Variants in SHPRH observed in about 807,000 individuals in gnomAD.
SHPRH encodes E3 ubiquitin-protein ligase SHPRH.
Under a neutral mutation model 202.5 loss-of-function variants are expected in SHPRH, and 106 were observed. That is an observed-to-expected ratio of 0.52 (90% CI 0.45 to 0.62). The LOEUF is 0.62. SHPRH is among the 20% of genes least tolerant of loss of function. SHPRH has a pLI of 0.00. For synonymous variants in SHPRH, 729 were observed against 686.0 expected, an observed-to-expected ratio of 1.06 and a Z score of -0.98; for missense variants, 1,710 against 2,020.0, an observed-to-expected ratio of 0.85 and a Z score of 2.94.
intron 6 of SHPRH, among the ~76,000 whole-genome samples, chr6:145,947,066 T>C (rs1202766492): frequency 2.0e-5 from 3 of 152,158 alleles, no homozygotes; most frequent in Non-Finnish European, 1.5e-5. Flanking sequence ...ATCTATTTAC[T>C]AAGCTACTTG....
At chr6:145,961,273 G>A (rs746207222) in intron 1 of SHPRH, among the ~76,000 whole-genome samples, 1 of 152,074 alleles carries the variant, frequency 6.6e-6, no homozygotes, top group Admixed American at 6.5e-5. Context: ...TCCTGATGTC[G>A]AGCCAACTAA....
At chr6:145,923,812 T>C (rs780194039) in intron 17 of SHPRH, 27 bp from the exon 18 acceptor site, 38 of 1,598,196 alleles carry the variant, frequency 2.4e-5, no homozygotes, top group Non-Finnish European at 3.1e-5. Context: ...AGTTAATCAA[T>C]TAATACATTT....
intron 2 of SHPRH, among the ~76,000 whole-genome samples, chr6:145,868,157 T>C (rs945115536): frequency 6.6e-6 from 1 of 152,208 alleles, no homozygotes; most frequent in African/African-American, 2.4e-5. Context: ...TTTCCCTCTG[T>C]ACCTGTCTGT....
rs1786814020 is a variant in SHPRH, at chr6:145,941,851, A to G, written c.2262T>C (p.Asp754=). Reference sequence around the variant, plus strand: ...CCAAAAAATGAGGTTGTAAAAAGCCATCTTTCTTCACTCCTTGATATACCT... The same window carrying G: ...CCAAAAAATGAGGTTGTAAAAAGCCGTCTTTCTTCACTCCTTGATATACCT... The part of the protein sequence containing the change: ...RVLVYQGVKK[D]GFLQPHFLAE... Residue 754 remains aspartate, a synonymous_variant, in exon 10 of 30, where the codon GAT becomes GAC. Coordinates refer to ENST00000275233, the MANE Select transcript of SHPRH (RefSeq NM_001042683.3). 1 of 1,613,744 alleles carries G rather than the reference A, an allele frequency of 6.2e-7. No individual in the cohort carries two copies. Among genetic ancestry groups the G allele is most frequent in the Non-Finnish European group, 8.5e-7 (1 of 1,179,906 alleles).
intron 13 of SHPRH, among the ~76,000 whole-genome samples, chr6:145,934,629 C>T (rs1239309740): frequency 6.6e-6 from 1 of 151,638 alleles, no homozygotes; most frequent in Admixed American, 6.6e-5. Context: ...CACACCACTG[C>T]ACTCCAGCCT....
In SHPRH at chr6:145,919,374, C is replaced by T. The variant is rs529144860; in HGVS notation, c.4126G>A (p.Val1376Ile). 1 of 1,613,012 alleles carries T rather than the reference C, an allele frequency of 6.2e-7. No individual in the cohort carries two copies. The highest frequency in any genetic ancestry group is 1.1e-5 in the South Asian group (1 of 91,052). The change falls in exon 22 of 30, where the codon GTT (valine) becomes ATT (isoleucine). Residue 1376 changes from valine (V) to isoleucine (I), a missense_variant. This residue lies in a region of SHPRH where 306 missense variants were observed against 479.5 expected (regional missense o/e 0.64). Coordinates refer to ENST00000275233, the MANE Select transcript of SHPRH (RefSeq NM_001042683.3). ...DPREPKPNPP[V>I]LHIIEPHEVE... is the part of the protein sequence containing the mutation. ...TCATGTGGTTCAATGATATGAAGAA[C>T]AGGCGGATTAGGCTTTGGCTCCCTA...
chr6:145,891,971 T>C (rs1270859321), intron 28 of SHPRH, among the ~76,000 whole-genome samples: 1 of 152,164 alleles, frequency 6.6e-6, no homozygotes, highest in Non-Finnish European at 1.5e-5. Flanking sequence ...CTTGGTGGTA[T>C]GTTAGAACAA....
intron 2 of SHPRH, among the ~76,000 whole-genome samples, chr6:145,874,294 A>C (rs1222658178): frequency 6.6e-6 from 1 of 152,070 alleles, no homozygotes; most frequent in East Asian, 1.9e-4. Context: ...ATTCACATTT[A>C]AAAACCTTGA....
intron 24 of SHPRH, 76 bp downstream of exon 24, chr6:145,913,398 CGAGA>C: frequency 7.5e-7 from 1 of 1,327,052 alleles, no homozygotes; most frequent in Non-Finnish European, 1.1e-6. Context: ...GTGAGAAAAA[CGAGA>C]GAAAGATTTT....
At chr6:145,921,461 T>C in intron 20 of SHPRH, 69 bp from the exon 21 acceptor site, 1 of 1,418,778 alleles carries the variant, frequency 7.0e-7, no homozygotes. Flanking sequence ...TCAATGTGAG[T>C]TCTAAAAGAA....
downstream of SHPRH, among the ~76,000 whole-genome samples, chr6:145,862,449 A>AACAAC (rs67243210): frequency 0.015 from 2,215 of 151,462 alleles, 45 homozygotes; most frequent in African/African-American, 0.05. Flanking sequence ...AAAAAAACAA[A>AACAAC]AACAACAACA....
intron 25 of SHPRH, chr6:145,909,095 T>A (rs554233889): frequency 6.6e-6 from 1 of 152,120 alleles, no homozygotes; most frequent in South Asian, 2.1e-4. Context: ...TCTGCTCCAT[T>A]CGCCTATATG....
chr6:145,875,593 T>C (rs532066503), intron 2 of SHPRH, among the ~76,000 whole-genome samples: 23 of 152,202 alleles, frequency 1.5e-4, no homozygotes, highest in Non-Finnish European at 5.9e-5. Flanking sequence ...ATTATGTGAG[T>C]TGGAAGACCA....
chr6:145,941,994 G>T, intron 9 of SHPRH, 120 bp from the exon 10 acceptor site: 3 of 1,192,588 alleles, frequency 2.5e-6, no homozygotes, highest in Non-Finnish European at 3.5e-6. Flanking sequence ...CATGCTATGA[G>T]ACAGATCCCA....
intron 23 of SHPRH, among the ~76,000 whole-genome samples, chr6:145,914,183 A>G (rs1028877824): frequency 3.0e-4 from 45 of 152,238 alleles, no homozygotes; most frequent in African/African-American, 1.1e-3. Context: ...TGGATGGTCT[A>G]TGATGGCCTC....
At chr6:145,945,231 T>C (rs1318163756) in intron 8 of SHPRH, 150 bp downstream of exon 8, 12 of 915,366 alleles carry the variant, frequency 1.3e-5, no homozygotes, top group Non-Finnish European at 1.9e-5. Context: ...ATCCACAAAG[T>C]AGAAAGTAGA....
At chr6:145,879,290 T>C (rs1776160527) in intron 2 of SHPRH, among the ~76,000 whole-genome samples, 3 of 152,194 alleles carry the variant, frequency 2.0e-5, no homozygotes, top group Admixed American at 2.0e-4. Context: ...TTGCTTTTTC[T>C]CTGTTTACTA....
downstream of SHPRH, among the ~76,000 whole-genome samples, chr6:145,862,306 T>C (rs1014704901): frequency 4.0e-5 from 6 of 149,646 alleles, no homozygotes; most frequent in Non-Finnish European, 8.9e-5. Flanking sequence ...AAAAAAAAAT[T>C]AGCCGGGCGC....
chr6:145,869,078 A>G (rs959140039), intron 2 of SHPRH, among the ~76,000 whole-genome samples: 1 of 152,172 alleles, frequency 6.6e-6, no homozygotes, highest in Non-Finnish European at 1.5e-5. Context: ...GATTTTGGCC[A>G]TTCCAGTAGG....
Sources: gnomAD v4.1 joint callset for allele counts (sites outside exome capture counted in the v4.1 genomes callset) on GRCh38, gnomAD v4.1.1 for gene constraint, gnomAD v4.1.1 regional missense constraint, MANE v1.5 for transcripts, NCBI Gene and HGNC (gene_info 2026-07-23, HGNC 2026-07-21) for gene names.